Variants in SLC35A3 observed in about 807,000 individuals in gnomAD.
The protein encoded by SLC35A3 is UDP-N-acetylglucosamine transporter.
In SLC35A3, 26 loss-of-function variants were observed where a neutral mutation model predicts 39.0. That is an observed-to-expected ratio of 0.67 (90% confidence interval 0.49 to 0.92). The LOEUF (loss-of-function observed/expected upper bound fraction) is 0.92. Ranked by LOEUF, SLC35A3 falls within the 40% of genes least tolerant of loss-of-function variation. The pLI, the probability that SLC35A3 is intolerant of heterozygous loss-of-function variation, is 0.00. For missense variants in SLC35A3, 299 were observed against 371.6 expected, an observed-to-expected ratio of 0.80 and a Z score of 1.61; for synonymous variants, 135 against 133.1, an observed-to-expected ratio of 1.01 and a Z score of -0.10.
intron 5 of SLC35A3, among the ~76,000 whole-genome samples, chr1:100,014,179 A>C (rs1265294046): frequency 2.6e-5 from 4 of 152,144 alleles, no homozygotes; most frequent in Non-Finnish European, 5.9e-5. Context: ...GATTTTTTGG[A>C]TATCAGTTAT....
chr1:99,983,152 AATTAG>A (rs1333937732), intron 1 of SLC35A3, among the ~76,000 whole-genome samples: 4 of 152,146 alleles, frequency 2.6e-5, no homozygotes, highest in Admixed American at 2.0e-4. Flanking sequence ...AAAAAGTTGA[AATTAG>A]ATTAATAGAA....
chr1:100,016,429 A>C (rs1269896886), intron 6 of SLC35A3, among the ~76,000 whole-genome samples: 1 of 142,086 alleles, frequency 7.0e-6, no homozygotes, highest in Non-Finnish European at 1.5e-5. Flanking sequence ...GCTGGAGTGC[A>C]GTGGCGAGAT....
At chr1:99,997,397 T>G (rs1557832646) in intron 2 of SLC35A3, among the ~76,000 whole-genome samples, 1 of 117,200 alleles carries the variant, frequency 8.5e-6, no homozygotes, top group Non-Finnish European at 1.8e-5. Context: ...AGTTATATGT[T>G]TTATATATAG....
At chr1:100,005,640 T>A (rs1040918713) in intron 3 of SLC35A3, among the ~76,000 whole-genome samples, 1 of 152,192 alleles carries the variant, frequency 6.6e-6, no homozygotes, top group Non-Finnish European at 1.5e-5. Context: ...AAGCTCTTGG[T>A]TGGATTTTTT....
chr1:100,034,449 T>C lies in SLC35A3; in HGVS notation c.*11973T>C, dbSNP rs936605590. 1 of 152,126 alleles carries C rather than the reference T, an allele frequency of 6.6e-6. No individual in the cohort carries two copies. Among genetic ancestry groups the C allele is most frequent in the Non-Finnish European group, 1.5e-5 (1 of 68,020 alleles). 9.4% of individuals were successfully genotyped at this position (152,126 alleles called of 1,614,324 possible). ...GCAATTAATGATATTCATGTTGGAG[T>C]GTTGTATATTATTTGCCTCTGCTTC... On this transcript the variant is annotated 3_prime_UTR_variant, in exon 8 of 8. Coordinates refer to ENST00000533028, the MANE Select transcript of SLC35A3 (RefSeq NM_012243.3).
Position 100,027,375 on chromosome 1 carries a change from C to T in SLC35A3, c.*4899C>T, listed in dbSNP as rs1462546128. 6 of 389,066 alleles carry T rather than the reference C, an allele frequency of 1.5e-5. No individual in the cohort carries two copies. Among genetic ancestry groups the T allele is most frequent in the Non-Finnish European group, 2.3e-5 (5 of 220,658 alleles). 24.1% of individuals were successfully genotyped at this position (389,066 alleles called of 1,614,324 possible). ...GCTGAGGCAGAAGGATTGCTTGAGC[C>T]CAGCAATTTGATGCTGCAGTAAACC... On this transcript the variant is annotated 3_prime_UTR_variant, in exon 8 of 8. Coordinates refer to ENST00000533028, the MANE Select transcript of SLC35A3 (RefSeq NM_012243.3).
intron 6 of SLC35A3, among the ~76,000 whole-genome samples, chr1:100,016,914 A>G (rs1012630818): frequency 6.6e-6 from 1 of 152,182 alleles, no homozygotes; most frequent in African/African-American, 2.4e-5. Context: ...AAATAGATGA[A>G]TGACAACATT....
chr1:100,015,293 T>G lies in SLC35A3; in HGVS notation c.635-9T>G. The G allele has an allele frequency of 6.3e-7, 1 of 1,594,072 alleles. No individual in the cohort carries two copies. Among genetic ancestry groups the G allele is most frequent in the Non-Finnish European group, 8.5e-7 (1 of 1,172,170 alleles). On this transcript the variant is annotated splice_polypyrimidine_tract_variant and intron_variant, in intron 5 of 7. Transcript: ENST00000533028. Reference sequence around the variant, plus strand: ...AACGATATATCATGTAGACTTTACTTTTTTTTAGGTTTCTTTGGAAGTATA... The same window carrying G: ...AACGATATATCATGTAGACTTTACTGTTTTTTAGGTTTCTTTGGAAGTATA...
At chr1:99,971,777 A>G (rs751389699) in intron 1 of SLC35A3, among the ~76,000 whole-genome samples, 5 of 152,202 alleles carry the variant, frequency 3.3e-5, no homozygotes, top group Non-Finnish European at 5.9e-5. Flanking sequence ...AGAAGAAACA[A>G]GGAAGGCCTT....
chr1:99,994,751 G>A (rs574973578), intron 2 of SLC35A3, among the ~76,000 whole-genome samples: 2 of 152,192 alleles, frequency 1.3e-5, no homozygotes, highest in Non-Finnish European at 2.9e-5. Context: ...AAAGAACAAT[G>A]AGTAATGCTT....
intron 5 of SLC35A3, among the ~76,000 whole-genome samples, chr1:100,013,932 G>A (rs1659868058): frequency 1.3e-5 from 2 of 152,034 alleles, no homozygotes; most frequent in African/African-American, 4.8e-5. Flanking sequence ...CTCCTTAACT[G>A]CACATATTTC....
In SLC35A3 at chr1:100,011,978, A is replaced by G. The variant is rs546449720; in HGVS notation, c.634+445A>G. Among the ~76,000 whole-genome samples the G allele has an allele frequency of 6.2e-4, 95 of 152,048 alleles. 1 individual carries two copies. In the South Asian group the frequency reaches 0.018, roughly 30 times the overall value. On this transcript the variant is annotated intron_variant, in intron 5 of 7. Transcript: ENST00000533028. The stretch of plus-strand genomic sequence containing the variant: ...TGTGATCTGCCTGCCTCAGCCTCCC[A>G]AAGTGCTGGGATTACAGGCGTGAGC...
At chr1:99,993,822 T>C (rs774684493) in intron 2 of SLC35A3, 81 bp downstream of exon 2, 18 of 1,235,828 alleles carry the variant, frequency 1.5e-5, no homozygotes, top group Admixed American at 1.4e-4. Context: ...ACATTTGCAC[T>C]CTTGCATTGT....
At chr1:99,971,089 C>T (rs894209243) in intron 1 of SLC35A3, among the ~76,000 whole-genome samples, 3 of 152,146 alleles carry the variant, frequency 2.0e-5, no homozygotes, top group Admixed American at 6.5e-5. Flanking sequence ...GGCACCCTTC[C>T]AGTCACTTGC....
Position 100,028,147 on chromosome 1 carries a change from C to T in SLC35A3, c.*5671C>T, listed in dbSNP as rs1305488049. The T allele has an allele frequency of 6.6e-6, 1 of 151,974 alleles. No homozygotes were observed. The highest frequency in any genetic ancestry group is 2.4e-5 in the African/African-American group (1 of 41,308). 9.4% of individuals were successfully genotyped at this position (151,974 alleles called of 1,614,324 possible). On this transcript the variant is annotated 3_prime_UTR_variant, in exon 8 of 8. Coordinates refer to ENST00000533028, the MANE Select transcript of SLC35A3 (RefSeq NM_012243.3). ...AGAGACAGGGTTTCACCATGTTGGC[C>T]AGGCTGGTCTCAAACTCCTGACCTC...
chr1:100,002,313 C>T (rs971100235), intron 3 of SLC35A3, among the ~76,000 whole-genome samples: 5 of 152,048 alleles, frequency 3.3e-5, no homozygotes, highest in Non-Finnish European at 5.9e-5. Context: ...GGTCTTTCTT[C>T]TTTGTTCAAT....
intron 2 of SLC35A3, among the ~76,000 whole-genome samples, chr1:99,997,183 G>A (rs893007349): frequency 6.6e-6 from 1 of 151,344 alleles, no homozygotes; most frequent in Non-Finnish European, 1.5e-5. Flanking sequence ...AAGACTTCCC[G>A]GCTTCCTTGC....
intron 3 of SLC35A3, among the ~76,000 whole-genome samples, chr1:100,005,012 C>T (rs1011902383): frequency 9.9e-5 from 15 of 152,240 alleles, no homozygotes; most frequent in African/African-American, 4.8e-5. Flanking sequence ...CCACCTCGGC[C>T]ACCCAAAATG....
At chr1:99,978,261 C>T (rs879751161) in intron 1 of SLC35A3, among the ~76,000 whole-genome samples, 1 of 152,184 alleles carries the variant, frequency 6.6e-6, no homozygotes, top group Non-Finnish European at 1.5e-5. Flanking sequence ...CAGGGTGGCT[C>T]ATACCTGCAA....
Sources: allele counts gnomAD v4.1 joint callset (sites outside exome capture counted in the v4.1 genomes callset), GRCh38; gene constraint gnomAD v4.1.1; transcripts MANE v1.5; gene names NCBI Gene and HGNC (gene_info 2026-07-23, HGNC 2026-07-21).